Variants in GALNT2 observed in about 807,000 individuals in gnomAD.
GALNT2 encodes polypeptide N-acetylgalactosaminyltransferase 2.
In GALNT2, 31 loss-of-function variants were observed where a neutral mutation model predicts 81.4. The observed-to-expected ratio is 0.38, with a 90% CI of 0.29 to 0.51. The LOEUF (loss-of-function observed/expected upper bound fraction) is 0.51, where lower values mean the gene tolerates loss of function less well. Ranked by LOEUF, GALNT2 falls within the 20% of genes least tolerant of loss-of-function variation. The pLI is 0.87. For missense variants in GALNT2, 629 were observed against 765.7 expected, an observed-to-expected ratio of 0.82 and a Z score of 2.11; for synonymous variants, 303 against 287.4, an observed-to-expected ratio of 1.05 and a Z score of -0.55.
chr1:230,233,243 T>C (rs1293357841), intron 3 of GALNT2, among the ~76,000 whole-genome samples: 3 of 152,190 alleles, frequency 2.0e-5, no homozygotes, highest in African/African-American at 7.2e-5. Context: ...GTCCACTGAT[T>C]TCCCATCTGA....
chr1:230,128,452 A>G (rs1448177551), intron 1 of GALNT2, among the ~76,000 whole-genome samples: 3 of 152,066 alleles, frequency 2.0e-5, no homozygotes, highest in Non-Finnish European at 2.9e-5. Context: ...CAGCGTCTGC[A>G]TGGCTGCTTA....
chr1:230,280,197 G>C lies in GALNT2; in HGVS notation c.*739G>C, dbSNP rs1666400044. 1 of 357,222 alleles carries C rather than the reference G, an allele frequency of 2.8e-6. No individual in the cohort carries two copies. 22.1% of individuals were successfully genotyped at this position (357,222 alleles called of 1,614,324 possible). On this transcript the variant is annotated 3_prime_UTR_variant, in exon 16 of 16. Transcript: ENST00000366672. Reference sequence around the variant, plus strand: ...AGCCCGGTGGGGCCAGTTTCTCACAGAGGGAGGAGGTGGCCTTTGTCCCCT... The same window carrying C: ...AGCCCGGTGGGGCCAGTTTCTCACACAGGGAGGAGGTGGCCTTTGTCCCCT...
chr1:230,264,336 A>G (rs1419252714), intron 13 of GALNT2: 1 of 152,258 alleles, frequency 6.6e-6, no homozygotes, highest in Admixed American at 6.5e-5. Flanking sequence ...CCGTCAGCCA[A>G]AGAGGGGCTT....
chr1:230,074,822 A>G (rs1012787378), intron 1 of GALNT2, among the ~76,000 whole-genome samples: 1 of 152,250 alleles, frequency 6.6e-6, no homozygotes. Context: ...ACTGAAGCAC[A>G]GAAAGGTTAA....
intron 1 of GALNT2, among the ~76,000 whole-genome samples, chr1:230,174,584 G>A (rs895268685): frequency 7.9e-5 from 12 of 151,996 alleles, no homozygotes; most frequent in African/African-American, 2.9e-4. Flanking sequence ...ACCTGGGGCC[G>A]TCTTTGATTC....
chr1:230,062,258 T>G (rs1659067316), upstream of GALNT2, among the ~76,000 whole-genome samples: 1 of 152,152 alleles, frequency 6.6e-6, no homozygotes, highest in Admixed American at 6.5e-5. Context: ...AGATTTGGGG[T>G]TTTTCCTTAA....
At chr1:230,134,265 T>C (rs1434264743) in intron 1 of GALNT2, among the ~76,000 whole-genome samples, 2 of 152,084 alleles carry the variant, frequency 1.3e-5, no homozygotes, top group Non-Finnish European at 2.9e-5. Context: ...CATGCCACCA[T>C]GCCCAGCTAA....
At chr1:230,101,688 T>G (rs983030952) in intron 1 of GALNT2, among the ~76,000 whole-genome samples, 1 of 152,266 alleles carries the variant, frequency 6.6e-6, no homozygotes, top group Non-Finnish European at 1.5e-5. Context: ...AAAATGTATC[T>G]TAAGTGGAAC....
At chr1:230,245,470 AAAAAC>A (rs1665337364) in intron 7 of GALNT2, among the ~76,000 whole-genome samples, 1 of 149,932 alleles carries the variant, frequency 6.7e-6, no homozygotes, top group Admixed American at 6.6e-5. Context: ...GTCTCAAAAA[AAAAAC>A]AAAACAAAAA....
chr1:230,150,242 T>C (rs1338008688), intron 1 of GALNT2, among the ~76,000 whole-genome samples: 1 of 152,128 alleles, frequency 6.6e-6, no homozygotes, highest in African/African-American at 2.4e-5. Context: ...GTGCTGCCGT[T>C]TTTCTGTACC....
chr1:230,126,835 T>A (rs1202648553), intron 1 of GALNT2, among the ~76,000 whole-genome samples: 1 of 151,774 alleles, frequency 6.6e-6, no homozygotes. Flanking sequence ...CGCCAAGGAG[T>A]GACTGCACCC....
chr1:230,143,199 C>T (rs949421486), intron 1 of GALNT2, among the ~76,000 whole-genome samples: 18 of 152,192 alleles, frequency 1.2e-4, no homozygotes, highest in African/African-American at 4.3e-4. Flanking sequence ...GCACTGTCAG[C>T]CCCATTCCCT....
chr1:230,103,595 G>A (rs1173426877), intron 1 of GALNT2, among the ~76,000 whole-genome samples: 1 of 152,082 alleles, frequency 6.6e-6, no homozygotes, highest in African/African-American at 2.4e-5. Context: ...GGCTCACCAG[G>A]GCATGAGTTC....
intron 1 of GALNT2, among the ~76,000 whole-genome samples, chr1:230,080,773 G>A (rs966011675): frequency 3.9e-5 from 6 of 152,178 alleles, no homozygotes; most frequent in Non-Finnish European, 7.3e-5. Flanking sequence ...ACCCTTCAGT[G>A]CCTCAGTTTC....
chr1:230,262,121 TG>T (rs1665893692), intron 11 of GALNT2: 6 of 156,480 alleles, frequency 3.8e-5, no homozygotes, highest in African/African-American at 1.2e-4. Context: ...AATGCAGAGC[TG>T]TCTGATAGTG....
At chr1:230,117,937 G>A (rs760229531) in intron 1 of GALNT2, among the ~76,000 whole-genome samples, 17 of 152,146 alleles carry the variant, frequency 1.1e-4, no homozygotes, top group Admixed American at 9.8e-4. Flanking sequence ...GAAAGCATCC[G>A]CCTCACTCTG....
intron 2 of GALNT2, among the ~76,000 whole-genome samples, chr1:230,196,637 C>G (rs1469722718): frequency 6.6e-6 from 1 of 152,132 alleles, no homozygotes; most frequent in Non-Finnish European, 1.5e-5. Context: ...ACAGCTCCAC[C>G]TGGGGACACA....
intron 2 of GALNT2, among the ~76,000 whole-genome samples, chr1:230,182,881 A>G (rs760878657): frequency 2.1e-4 from 32 of 152,166 alleles, no homozygotes; most frequent in Non-Finnish European, 2.8e-4. Flanking sequence ...TTGCAGTTCT[A>G]TCTATCATGA....
intron 3 of GALNT2, among the ~76,000 whole-genome samples, chr1:230,207,255 T>C (rs905998267): frequency 5.3e-5 from 8 of 151,944 alleles, no homozygotes; most frequent in Admixed American, 4.6e-4. Context: ...GGGGGATATT[T>C]AAGTATAAAG....
Sources: allele counts gnomAD v4.1 joint callset (sites outside exome capture counted in the v4.1 genomes callset), GRCh38; gene constraint gnomAD v4.1.1; transcripts MANE v1.5; gene names NCBI Gene and HGNC (gene_info 2026-07-23, HGNC 2026-07-21).